GALNT13: variants seen among roughly 807,000 people sequenced by gnomAD.
GALNT13 encodes UDP-GalNAc:polypeptide N-acetylgalactosaminyltransferase 13.
In GALNT13, 28 loss-of-function variants were observed where a neutral mutation model predicts 64.2. The ratio of observed to expected loss-of-function variants is 0.44; its 90% CI spans 0.32 to 0.60. GALNT13 has a LOEUF of 0.60. Among genes scored for constraint, GALNT13 ranks in the 20% least tolerant of loss-of-function variants. GALNT13 has a pLI of 0.05. For missense variants in GALNT13, 577 were observed against 669.8 expected (o/e 0.86, Z 1.53); for synonymous variants, 214 against 224.6 (o/e 0.95, Z 0.42).
chr2:153,138,790 C>T, the GALNT13 span, among the ~76,000 whole-genome samples: 2 of 152,094 alleles, frequency 1.3e-5, no homozygotes, highest in African/African-American at 4.8e-5. Context: ...TTCGCAATCT[C>T]TTGACTACTG....
chr2:153,279,931 A>C, the GALNT13 span, among the ~76,000 whole-genome samples: 2 of 152,146 alleles, frequency 1.3e-5, no homozygotes, highest in Non-Finnish European at 2.9e-5. Flanking sequence ...CAATAGTTTC[A>C]GGAAAATTAA....
chr2:154,225,155 AT>A, intron 4 of GALNT13, among the ~76,000 whole-genome samples: 1 of 105,720 alleles, frequency 9.5e-6, no homozygotes, highest in South Asian at 3.1e-4. Context: ...TGACAGATAG[AT>A]AGATGATAGA....
At chr2:154,212,608 A>G (rs1430495126) in intron 4 of GALNT13, among the ~76,000 whole-genome samples, 1 of 150,884 alleles carries the variant, frequency 6.6e-6, no homozygotes, top group African/African-American at 2.4e-5. Context: ...TTTTCTTCCT[A>G]TTCTTTTTCT....
At chr2:154,331,276 G>C (rs1423804367) in intron 9 of GALNT13, among the ~76,000 whole-genome samples, 1 of 152,006 alleles carries the variant, frequency 6.6e-6, no homozygotes, top group Non-Finnish European at 1.5e-5. Flanking sequence ...AATCTATTCA[G>C]TAACTACATT....
At chr2:153,215,344 C>T in the GALNT13 span, among the ~76,000 whole-genome samples, 2 of 152,066 alleles carry the variant, frequency 1.3e-5, no homozygotes, top group African/African-American at 2.4e-5. Flanking sequence ...CCTCACAATA[C>T]AGTGCATTAT....
chr2:153,083,631 G>A, the GALNT13 span, among the ~76,000 whole-genome samples: 1 of 152,008 alleles, frequency 6.6e-6, no homozygotes, highest in Non-Finnish European at 1.5e-5. Flanking sequence ...GTAGATTCTG[G>A]ATATTAGTCC....
chr2:153,726,709 A>G, the GALNT13 span, among the ~76,000 whole-genome samples: 2 of 151,952 alleles, frequency 1.3e-5, no homozygotes, highest in African/African-American at 4.8e-5. Context: ...TGGGAGGCCG[A>G]GGGGGCGGAT....
intron 3 of GALNT13, among the ~76,000 whole-genome samples, chr2:153,979,936 A>G (rs963197852): frequency 1.3e-5 from 2 of 152,206 alleles, no homozygotes; most frequent in Non-Finnish European, 2.9e-5. Context: ...AGACTGATGG[A>G]ACACTATTCA....
At chr2:153,180,096 G>T in the GALNT13 span, among the ~76,000 whole-genome samples, 1 of 152,028 alleles carries the variant, frequency 6.6e-6, no homozygotes, top group Non-Finnish European at 1.5e-5. Flanking sequence ...GGACATCCTT[G>T]TCTTTTTCTG....
chr2:154,113,565 C>G (rs1040208101), intron 3 of GALNT13, among the ~76,000 whole-genome samples: 2 of 152,168 alleles, frequency 1.3e-5, no homozygotes, highest in Admixed American at 6.5e-5. Flanking sequence ...ACCACTGGAC[C>G]CCTAGAAATT....
At chr2:153,902,815 G>A (rs939083509) in intron 2 of GALNT13, among the ~76,000 whole-genome samples, 1 of 152,042 alleles carries the variant, frequency 6.6e-6, no homozygotes, top group Non-Finnish European at 1.5e-5. Context: ...GAAACTGAGA[G>A]AGGCATCATT....
the GALNT13 span, among the ~76,000 whole-genome samples, chr2:153,441,247 C>T: frequency 6.6e-6 from 1 of 152,126 alleles, no homozygotes; most frequent in Non-Finnish European, 1.5e-5. Context: ...TGTCAAAAAA[C>T]AGATGGTTGT....
the GALNT13 span, chr2:153,337,786 T>C: frequency 3.9e-5 from 6 of 152,194 alleles, no homozygotes; most frequent in African/African-American, 1.4e-4. Context: ...GCAATGTAAG[T>C]TGATCTAACC....
At chr2:153,747,431 T>G in the GALNT13 span, among the ~76,000 whole-genome samples, 1 of 139,032 alleles carries the variant, frequency 7.2e-6, no homozygotes, top group Non-Finnish European at 1.5e-5. Flanking sequence ...GGTTTTTTTT[T>G]TTTTTTTTTT....
At chr2:153,815,886 A>G in the GALNT13 span, among the ~76,000 whole-genome samples, 1 of 152,156 alleles carries the variant, frequency 6.6e-6, no homozygotes, top group Non-Finnish European at 1.5e-5. Context: ...TACTCACCCA[A>G]GGTTTTAAAC....
the GALNT13 span, among the ~76,000 whole-genome samples, chr2:153,835,946 T>C: frequency 2.0e-5 from 3 of 152,028 alleles, no homozygotes; most frequent in East Asian, 1.9e-4. Flanking sequence ...TTGGGGGGAA[T>C]AGTGAACCTA....
At chr2:153,671,410 G>C in the GALNT13 span, among the ~76,000 whole-genome samples, 1 of 152,034 alleles carries the variant, frequency 6.6e-6, no homozygotes, top group Non-Finnish European at 1.5e-5. Flanking sequence ...CATTCTTAAA[G>C]AAAGGAATTT....
intron 3 of GALNT13, among the ~76,000 whole-genome samples, chr2:154,082,955 CT>C (rs36021100): frequency 0.047 from 7,095 of 151,970 alleles, 219 homozygotes; most frequent in South Asian, 0.11. Context: ...GTTGCCATTG[CT>C]TTTAGTGTTT....
the GALNT13 span, among the ~76,000 whole-genome samples, chr2:153,611,678 CCT>C: frequency 7.8e-6 from 1 of 127,796 alleles, no homozygotes; most frequent in South Asian, 2.6e-4. Context: ...CACATTTTTA[CCT>C]TTTTTTTTTT....
Sources: allele counts gnomAD v4.1 joint callset (sites outside exome capture counted in the v4.1 genomes callset), GRCh38; gene constraint gnomAD v4.1.1; transcripts MANE v1.5; gene names NCBI Gene and HGNC (gene_info 2026-07-23, HGNC 2026-07-21).